The following ZNF804B variants were observed in gnomAD, a reference collection of about 807,000 sequenced individuals.
The protein encoded by ZNF804B is zinc finger protein 804B, also known as zinc finger 804B.
ZNF804B carries 80 observed loss-of-function variants against 101.4 expected under a neutral mutation model. The ratio of observed to expected loss-of-function variants is 0.79; its 90% CI spans 0.66 to 0.95. The LOEUF (loss-of-function observed/expected upper bound fraction) is 0.95, where lower values mean the gene tolerates loss of function less well. Ranked by LOEUF, ZNF804B falls within the 40% of genes least tolerant of loss-of-function variation. ZNF804B has a pLI of 0.00. For missense variants in ZNF804B, 1,673 were observed against 1,561.9 expected (o/e 1.07, Z -1.20); for synonymous variants, 622 against 558.8 (o/e 1.11, Z -1.59).
chr7:89,047,123 A>G (rs1292059328), intron 1 of ZNF804B, among the ~76,000 whole-genome samples: 4 of 152,138 alleles, frequency 2.6e-5, no homozygotes, highest in African/African-American at 4.8e-5. Context: ...TCACTTTACC[A>G]TATCACTCCT....
At chr7:88,913,944 C>T (rs1792591315) in intron 1 of ZNF804B, among the ~76,000 whole-genome samples, 1 of 152,156 alleles carries the variant, frequency 6.6e-6, no homozygotes, top group Non-Finnish European at 1.5e-5. Flanking sequence ...ATAGAGCTGA[C>T]TGAGCAAAGT....
In ZNF804B at chr7:89,207,300, A is replaced by T. The variant is rs150121461; in HGVS notation, c.109-10855A>T. Among the ~76,000 whole-genome samples, 34 of 152,354 alleles carry T rather than the reference A, an allele frequency of 2.2e-4. No homozygotes were observed. In the East Asian group the frequency reaches 6.2e-3, roughly 28 times the overall value. ...AGCAGTTTAATTGACTCACAGTTCC[A>T]CATGGCTGGGGAGGCCTCACAATCA... On this transcript the variant is annotated intron_variant, in intron 1 of 3. Coordinates refer to ENST00000333190, the MANE Select transcript of ZNF804B (RefSeq NM_181646.5).
chr7:89,009,209 G>C (rs779231669), intron 1 of ZNF804B, among the ~76,000 whole-genome samples: 1 of 151,860 alleles, frequency 6.6e-6, no homozygotes, highest in Non-Finnish European at 1.5e-5. Context: ...GCACTTTCTT[G>C]GTTCTCTGAC....
rs188155301 is a variant in ZNF804B, at chr7:89,281,853, A to T, written c.250-45491A>T. Among the ~76,000 whole-genome samples, 33 of 152,302 alleles carry T rather than the reference A, an allele frequency of 2.2e-4. No individual in the cohort carries two copies. In the East Asian group the frequency reaches 6.4e-3, roughly 29 times the overall value. On this transcript the variant is annotated intron_variant, in intron 2 of 3. Transcript: ENST00000333190. ...CCAGAATTGTAAAGTAAAGGATAAT[A>T]AATATAATCCACTCAGACAGAGTCC...
intron 1 of ZNF804B, among the ~76,000 whole-genome samples, chr7:89,162,670 ATACTTT>A: frequency 6.7e-6 from 1 of 149,322 alleles, no homozygotes; most frequent in East Asian, 2.0e-4. Flanking sequence ...TATTATTATT[ATACTTT>A]AAGTTTTAGG....
At chr7:88,900,702 A>G (rs1163747739) in intron 1 of ZNF804B, among the ~76,000 whole-genome samples, 1 of 151,340 alleles carries the variant, frequency 6.6e-6, no homozygotes, top group Non-Finnish European at 1.5e-5. Flanking sequence ...AATAATTCCT[A>G]TAATAGAATG....
chr7:88,789,859 A>G (rs1790353675), intron 1 of ZNF804B, among the ~76,000 whole-genome samples: 1 of 152,104 alleles, frequency 6.6e-6, no homozygotes, highest in African/African-American at 2.4e-5. Context: ...GTCAAATTCT[A>G]TTTGTATTAA....
intron 1 of ZNF804B, among the ~76,000 whole-genome samples, chr7:89,210,936 G>C (rs181611835): frequency 6.6e-6 from 1 of 152,162 alleles, no homozygotes; most frequent in South Asian, 2.1e-4. Flanking sequence ...TTCCACAATG[G>C]TTGCTAATTT....
In ZNF804B at chr7:89,234,266, CT is replaced by C. The variant is rs77516600; in HGVS notation, c.249+15982del. ...TTATACTTCTGTGATATTCCCTTTT[CT>C]TTTTTTTTTTATTGTGGTCAACCCC... On this transcript the variant is annotated intron_variant, in intron 2 of 3. Coordinates refer to ENST00000333190, the MANE Select transcript of ZNF804B (RefSeq NM_181646.5). Among the ~76,000 whole-genome samples, 965 of 144,150 alleles carry C rather than the reference CT, an allele frequency of 6.7e-3. 13 individuals carry two copies. Among genetic ancestry groups the C allele is most frequent in the African/African-American group, 0.02 (812 of 39,730 alleles). The allele number at this position is 144,150 out of a possible 152,430, so 94.6% of individuals were successfully genotyped here.
chr7:88,942,977 A>G (rs533998971), intron 1 of ZNF804B, among the ~76,000 whole-genome samples: 3 of 152,044 alleles, frequency 2.0e-5, no homozygotes, highest in Admixed American at 1.3e-4. Flanking sequence ...CAAAGAACAG[A>G]AAAACAGTTG....
chr7:88,935,509 C>A (rs540506632), intron 1 of ZNF804B, among the ~76,000 whole-genome samples: 1 of 151,640 alleles, frequency 6.6e-6, no homozygotes, highest in Admixed American at 6.6e-5. Context: ...CATGGTGAGA[C>A]CTCACTCTAT....
intron 1 of ZNF804B, among the ~76,000 whole-genome samples, chr7:89,217,372 G>A (rs1004804829): frequency 6.6e-6 from 1 of 152,122 alleles, no homozygotes; most frequent in Non-Finnish European, 1.5e-5. Context: ...GCCCATGAGT[G>A]TGTAATCTCT....
chr7:89,253,356 A>C lies in ZNF804B; in HGVS notation c.249+35061A>C, dbSNP rs560215722. On this transcript the variant is annotated intron_variant, in intron 2 of 3. Coordinates refer to ENST00000333190, the MANE Select transcript of ZNF804B (RefSeq NM_181646.5). ...AACTAAAAACATGCCTTGTTAAATTAATAAAGAGGCATCAGCCAAAAGTAC... is the reference window on the plus strand; with the variant it reads ...AACTAAAAACATGCCTTGTTAAATTCATAAAGAGGCATCAGCCAAAAGTAC... 2.0e-5 allele frequency among the ~76,000 whole-genome samples: 3 copies of C among 152,310 alleles called. No homozygotes were observed. In the East Asian group the frequency reaches 5.8e-4, roughly 29 times the overall value.
intron 1 of ZNF804B, among the ~76,000 whole-genome samples, chr7:89,046,450 T>G (rs1048548095): frequency 6.6e-6 from 1 of 152,098 alleles, no homozygotes; most frequent in Non-Finnish European, 1.5e-5. Flanking sequence ...ATAAATGAAA[T>G]TATAAACAAA....
intron 1 of ZNF804B, among the ~76,000 whole-genome samples, chr7:88,822,260 C>T (rs1201143280): frequency 3.9e-5 from 6 of 152,072 alleles, no homozygotes; most frequent in African/African-American, 1.4e-4. Context: ...GAACCAAAGC[C>T]AGATTTATTT....
In ZNF804B at chr7:89,335,985, G is replaced by A. The variant is rs374394650; in HGVS notation, c.3003G>A (p.Thr1001=). 32 of 1,613,922 alleles carry A rather than the reference G, an allele frequency of 2.0e-5. No individual in the cohort carries two copies. The East Asian group carries it at 3.8e-4, about 19-fold the overall frequency. Residue 1001 remains threonine (T), a synonymous_variant, in exon 4 of 4, where the codon ACG becomes ACA. Transcript: ENST00000333190. ...AAGACAGTGCAATTCCAAGGACTACGGAGAAAGACAAAAGCAAAAGTTCAC... is the reference window on the plus strand; with the variant it reads ...AAGACAGTGCAATTCCAAGGACTACAGAGAAAGACAAAAGCAAAAGTTCAC... The part of the protein sequence containing the change: ...NDQDSAIPRT[T]EKDKSKSSHT...
At chr7:89,141,694 T>A (rs1199243445) in intron 1 of ZNF804B, among the ~76,000 whole-genome samples, 1 of 151,942 alleles carries the variant, frequency 6.6e-6, no homozygotes, top group East Asian at 1.9e-4. Context: ...GTCCAAGAGT[T>A]CCAATTTTTC....
intron 1 of ZNF804B, among the ~76,000 whole-genome samples, chr7:88,784,050 A>G (rs1335389658): frequency 6.6e-6 from 1 of 152,192 alleles, no homozygotes; most frequent in East Asian, 1.9e-4. Flanking sequence ...TAAAGTCATT[A>G]GTTTGGAAAA....
Position 89,336,086 on chromosome 7 carries a change from C to G in ZNF804B, c.3104C>G (p.Thr1035Arg). ...TCTAAAGGTATAATTCACCTAGTAA[C>G]AGAGTCTCAGTCACTAAACATAAAA... ...HLSKGIIHLVTESQSLNIKRD... is the reference protein window; with the variant it reads ...HLSKGIIHLVRESQSLNIKRD... The change falls in exon 4 of 4, where the codon ACA (threonine) becomes AGA (arginine). Residue 1035 changes from threonine (T) to arginine (R), a missense_variant. Coordinates refer to ENST00000333190, the MANE Select transcript of ZNF804B (RefSeq NM_181646.5). The G allele has an allele frequency of 6.2e-7, 1 of 1,613,904 alleles. No homozygotes were observed. Among genetic ancestry groups the G allele is most frequent in the Non-Finnish European group, 8.5e-7 (1 of 1,179,966 alleles).
Sources: allele counts gnomAD v4.1 joint callset (sites outside exome capture counted in the v4.1 genomes callset), GRCh38; gene constraint gnomAD v4.1.1; transcripts MANE v1.5; gene names NCBI Gene and HGNC (gene_info 2026-07-23, HGNC 2026-07-21).